The following PALLD variants were observed in gnomAD, a reference collection of about 807,000 sequenced individuals.
PALLD encodes the protein palladin.
In PALLD, 61 loss-of-function variants were observed where a neutral mutation model predicts 123.5. That is an observed-to-expected ratio of 0.49 (90% CI 0.40 to 0.61). PALLD has a LOEUF of 0.61. PALLD is among the 20% of genes least tolerant of loss of function. PALLD has a pLI of 0.00. For synonymous variants in PALLD, 465 were observed against 496.4 expected (o/e 0.94, Z 0.84); for missense variants, 1,273 against 1,377.0 (o/e 0.92, Z 1.20).
At position 168,706,639 on chromosome 4, in the gene PALLD, G is replaced by A. The variant is rs151304357; in HGVS notation, c.1502-2389G>A. On this transcript the variant is annotated intron_variant, in intron 8 of 21. Coordinates refer to ENST00000505667, the MANE Select transcript of PALLD (RefSeq NM_001166108.2). Reference sequence around the variant, plus strand: ...GATTACCATCAGCATCATCAGAAATGGGGAAAAGGAAAGGCTTTGGTGGGT... The same window carrying A: ...GATTACCATCAGCATCATCAGAAATAGGGAAAAGGAAAGGCTTTGGTGGGT... Among the ~76,000 whole-genome samples the A allele has an allele frequency of 3.0e-3, 458 of 152,218 alleles. 8 individuals carry two copies. Among genetic ancestry groups the A allele is most frequent in the Admixed American group, 0.027 (414 of 15,272 alleles).
At chr4:168,653,994 T>TA (rs1580781803) in intron 2 of PALLD, among the ~76,000 whole-genome samples, 1 of 150,606 alleles carries the variant, frequency 6.6e-6, no homozygotes, top group Admixed American at 6.6e-5. Context: ...GATCAGTTAT[T>TA]TTTTTTTTAA....
At position 168,732,568 on chromosome 4, in the gene PALLD, A is replaced by G. The variant is rs1426162341; in HGVS notation, c.1964+20645A>G. Among the ~76,000 whole-genome samples the G allele has an allele frequency of 2.0e-5, 3 of 152,230 alleles. No homozygotes were observed. The South Asian group carries it at 6.2e-4, about 31-fold the overall frequency. ...GGAAATGTTTAAAAAGTGAAAATAA[A>G]CACAAATATCTATAAGGCTAGGAAC... On this transcript the variant is annotated intron_variant, in intron 10 of 21. Transcript: ENST00000505667.
chr4:168,572,677 T>C (rs115245249), intron 2 of PALLD, among the ~76,000 whole-genome samples: 104 of 152,008 alleles, frequency 6.8e-4, no homozygotes, highest in African/African-American at 2.5e-3. Context: ...CTGAGAGTCA[T>C]ACTCTGTTCC....
chr4:168,858,976 A>G (rs1281682713), intron 10 of PALLD, among the ~76,000 whole-genome samples: 1 of 152,204 alleles, frequency 6.6e-6, no homozygotes, highest in African/African-American at 2.4e-5. Flanking sequence ...TTAAGACAGT[A>G]GACTATCATT....
At chr4:168,528,522 T>C (rs534420989) in intron 2 of PALLD, among the ~76,000 whole-genome samples, 1 of 152,368 alleles carries the variant, frequency 6.6e-6, no homozygotes, top group Admixed American at 6.5e-5. Context: ...AAGGAATTTA[T>C]ATACTGTCTC....
intron 10 of PALLD, among the ~76,000 whole-genome samples, chr4:168,882,378 T>G (rs1430540517): frequency 6.6e-6 from 1 of 152,180 alleles, no homozygotes; most frequent in Non-Finnish European, 1.5e-5. Context: ...ATTTCTTGAT[T>G]AAAGAAAGCT....
intron 10 of PALLD, among the ~76,000 whole-genome samples, chr4:168,828,547 A>C (rs963764508): frequency 6.6e-6 from 1 of 152,198 alleles, no homozygotes; most frequent in Non-Finnish European, 1.5e-5. Flanking sequence ...TTCACTGCCA[A>C]TATCTTCTTT....
chr4:168,773,245 C>T (rs1385547037), intron 10 of PALLD, among the ~76,000 whole-genome samples: 1 of 152,092 alleles, frequency 6.6e-6, no homozygotes, highest in African/African-American at 2.4e-5. Context: ...GTGATCTGAA[C>T]CCCCGAGCCT....
intron 2 of PALLD, among the ~76,000 whole-genome samples, chr4:168,617,386 G>A (rs572584025): frequency 1.3e-5 from 2 of 152,290 alleles, no homozygotes; most frequent in South Asian, 4.1e-4. Context: ...GCCTGGTACT[G>A]ATAAGCTGAT....
intron 10 of PALLD, among the ~76,000 whole-genome samples, chr4:168,792,859 C>T (rs923967056): frequency 6.0e-5 from 9 of 151,224 alleles, no homozygotes; most frequent in Non-Finnish European, 1.3e-4. Context: ...CTCTGCCTCC[C>T]GGGTTCAAGC....
In PALLD at chr4:168,695,152, A is replaced by G. The variant is rs116441974; in HGVS notation, c.1501+3860A>G. On this transcript the variant is annotated intron_variant, in intron 8 of 21. Coordinates refer to ENST00000505667, the MANE Select transcript of PALLD (RefSeq NM_001166108.2). ...CTTTCAATTTTAATTTCTGCTCACC[A>G]GTGTGACCCATGCTAGATCTTGTAC... 2.0e-3 allele frequency among the ~76,000 whole-genome samples: 305 copies of G among 152,376 alleles called. 1 individual carries two copies. The highest frequency in any genetic ancestry group is 6.8e-3 in the Middle Eastern group (2 of 294).
At chr4:168,816,906 G>A (rs1192761295) in intron 10 of PALLD, among the ~76,000 whole-genome samples, 4 of 150,660 alleles carry the variant, frequency 2.7e-5, no homozygotes, top group African/African-American at 4.9e-5. Flanking sequence ...AGGGGCGGGG[G>A]TGAAGGGAGG....
intron 11 of PALLD, 147 bp downstream of exon 11, chr4:168,891,204 C>A: frequency 4.4e-6 from 4 of 899,098 alleles, no homozygotes; most frequent in Non-Finnish European, 7.1e-6. Flanking sequence ...ACTTTGTCAC[C>A]CATGCTGGAG....
chr4:168,538,380 G>A (rs1247647094), intron 2 of PALLD, among the ~76,000 whole-genome samples: 2 of 151,840 alleles, frequency 1.3e-5, no homozygotes, highest in African/African-American at 4.8e-5. Context: ...AACCGAATGA[G>A]AAATTGCTTA....
At chr4:168,560,127 A>C (rs779196745) in intron 2 of PALLD, among the ~76,000 whole-genome samples, 1 of 152,218 alleles carries the variant, frequency 6.6e-6, no homozygotes, top group Non-Finnish European at 1.5e-5. Flanking sequence ...CAGCAACTTC[A>C]TGACAGACAT....
intron 2 of PALLD, among the ~76,000 whole-genome samples, chr4:168,545,096 C>T (rs1310299635): frequency 6.6e-6 from 1 of 152,178 alleles, no homozygotes; most frequent in Non-Finnish European, 1.5e-5. Context: ...AATCCCGGAG[C>T]TCAGACTGAA....
chr4:168,713,670 C>T (rs765211236), intron 10 of PALLD, among the ~76,000 whole-genome samples: 24 of 151,842 alleles, frequency 1.6e-4, no homozygotes, highest in South Asian at 8.3e-4. Context: ...AACAACTTCG[C>T]GTTCATTAAG....
chr4:168,915,609 A>T (rs990376850), intron 16 of PALLD, among the ~76,000 whole-genome samples: 5 of 152,208 alleles, frequency 3.3e-5, no homozygotes, highest in African/African-American at 9.6e-5. Flanking sequence ...ATAAATATTT[A>T]AAAATATTTA....
intron 10 of PALLD, among the ~76,000 whole-genome samples, chr4:168,804,883 G>A (rs1739925489): frequency 6.6e-6 from 1 of 151,828 alleles, no homozygotes; most frequent in African/African-American, 2.4e-5. Context: ...AAGCGAGGCC[G>A]GGTGTGGTGG....
Sources: allele counts gnomAD v4.1 joint callset (sites outside exome capture counted in the v4.1 genomes callset), GRCh38; gene constraint gnomAD v4.1.1; transcripts MANE v1.5; gene names NCBI Gene and HGNC (gene_info 2026-07-23, HGNC 2026-07-21).